Variants in LSS observed in about 807,000 individuals in gnomAD.
The protein encoded by LSS is 2,3-epoxysqualene-lanosterol cyclase.
A neutral mutation model predicts 110.3 loss-of-function variants in LSS; 90 were observed. That is an observed-to-expected ratio of 0.82 (90% CI 0.69 to 0.97). LSS has a LOEUF of 0.97. LSS is among the 50% of genes least tolerant of loss of function. The pLI is 0.00. For synonymous variants in LSS, 433 were observed against 400.0 expected (o/e 1.08, Z -0.98); for missense variants, 927 against 990.0 (o/e 0.94, Z 0.85).
chr21:46,217,154 G>A (rs940449553), intron 6 of LSS, among the ~76,000 whole-genome samples: 2 of 151,144 alleles, frequency 1.3e-5, no homozygotes, highest in African/African-American at 4.9e-5. Context: ...GGCTGAGGCA[G>A]GAGAATCGCT....
In LSS at chr21:46,223,383, C is replaced by G. The variant is rs374760553; in HGVS notation, c.320-645G>C. On this transcript the variant is annotated intron_variant, in intron 3 of 21. Coordinates refer to ENST00000397728, the MANE Select transcript of LSS (RefSeq NM_002340.6). ...GCTTGGTTCCATCAGCCATGTGCCCCCAGAGCCTGGCACGGGACAGGTCTC... is the reference window on the plus strand; with the variant it reads ...GCTTGGTTCCATCAGCCATGTGCCCGCAGAGCCTGGCACGGGACAGGTCTC... 5.9e-5 allele frequency among the ~76,000 whole-genome samples: 9 copies of G among 152,220 alleles called. No individual in the cohort carries two copies. The Middle Eastern group carries it at 0.014, about 230-fold the overall frequency.
chr21:46,206,614 G>T, intron 16 of LSS, 58 bp downstream of exon 16: 1 of 1,441,776 alleles, frequency 6.9e-7, no homozygotes. Flanking sequence ...CCAGGTTTGT[G>T]TACCACAGTG....
At chr21:46,201,095 G>A (rs1403603713) in intron 17 of LSS, among the ~76,000 whole-genome samples, 1 of 143,070 alleles carries the variant, frequency 7.0e-6, no homozygotes, top group African/African-American at 2.8e-5. Flanking sequence ...GACAGGTCAT[G>A]AAGTCCTCAG....
rs893080895 is a variant in LSS, at chr21:46,189,507, G to C, written c.*1597C>G. ...TGCAGGGCTCTGAGCAGGCAGGCGA[G>C]TCCCAAGGAGAGTCAGTGACAGCAC... On this transcript the variant is annotated 3_prime_UTR_variant, in exon 22 of 22. Coordinates refer to ENST00000397728, the MANE Select transcript of LSS (RefSeq NM_002340.6). 8.1e-6 allele frequency: 3 copies of C among 370,630 alleles called. No homozygotes were observed. The highest frequency in any genetic ancestry group is 6.3e-5 in the African/African-American group (3 of 47,466). 23.0% of individuals were successfully genotyped at this position (370,630 alleles called of 1,614,324 possible).
rs537672313 is a variant in LSS, at chr21:46,194,556, A to G, written c.1923T>C (p.Tyr641=). The stretch of plus-strand genomic sequence containing the variant: ...GGATCTGGGACTGGGCACTCTGCAA[A>G]TAACGCCGCTCCTCGCAGGACTCAA... ...EDFESCEERR[Y]LQSAQSQIHN... is the part of the protein sequence containing the mutation. The change falls in exon 20 of 22, where the codon TAT becomes TAC. Residue 641 remains tyrosine, a synonymous_variant. Coordinates refer to ENST00000397728, the MANE Select transcript of LSS (RefSeq NM_002340.6). The G allele has an allele frequency of 1.9e-6, 3 of 1,613,832 alleles. No homozygotes were observed. The highest frequency in any genetic ancestry group is 1.7e-5 in the Admixed American group (1 of 60,018).
chr21:46,219,934 G>A (rs983952902), intron 5 of LSS, among the ~76,000 whole-genome samples: 2 of 152,216 alleles, frequency 1.3e-5, no homozygotes, highest in African/African-American at 4.8e-5. Context: ...ACATGCGCCT[G>A]GAGAAGGCAA....
chr21:46,189,695 G>C lies in LSS; in HGVS notation c.*1409C>G. On this transcript the variant is annotated 3_prime_UTR_variant, in exon 22 of 22. Coordinates refer to ENST00000397728, the MANE Select transcript of LSS (RefSeq NM_002340.6). ...AGATCTCCACTGCCTGAGGGAGAGT[G>C]ATCAGCCAGGGGGAGAGGCCAGGGA... 1 of 456,740 alleles carries C rather than the reference G, an allele frequency of 2.2e-6. No homozygotes were observed. Among genetic ancestry groups the C allele is most frequent in the South Asian group, 1.5e-5 (1 of 64,566 alleles). 28.3% of individuals were successfully genotyped at this position (456,740 alleles called of 1,614,324 possible).
chr21:46,208,716 T>C (rs889370923), intron 13 of LSS, among the ~76,000 whole-genome samples: 2 of 151,890 alleles, frequency 1.3e-5, no homozygotes, highest in African/African-American at 4.8e-5. Flanking sequence ...AGGCCTGGAG[T>C]GCCGTAGGGT....
chr21:46,200,564 G>GAAA (rs977741672), intron 17 of LSS, among the ~76,000 whole-genome samples: 1 of 139,818 alleles, frequency 7.2e-6, no homozygotes, highest in African/African-American at 2.6e-5. Flanking sequence ...CGAGACACCA[G>GAAA]AAAAAAAAAA....
intron 4 of LSS, chr21:46,222,180 TTCC>T (rs2072655064): frequency 3.4e-6 from 2 of 584,108 alleles, no homozygotes; most frequent in Admixed American, 3.0e-5. Flanking sequence ...CCCCCACTCC[TTCC>T]TCACCGTGAC....
At position 46,188,515 on chromosome 21, in the gene LSS, C is replaced by T; in HGVS notation, c.*2589G>A. 1 of 403,648 alleles carries T rather than the reference C, an allele frequency of 2.5e-6. No individual in the cohort carries two copies. Among genetic ancestry groups the T allele is most frequent in the Non-Finnish European group, 5.1e-6 (1 of 195,260 alleles). The allele number at this position is 403,648 out of a possible 1,614,324, so 25.0% of individuals were successfully genotyped here. A position where few individuals can be genotyped will look rare whatever the true frequency, so the allele number is the denominator to read the frequency against. ...TCAGACAGAGGCTGCACCGGTACAG[C>T]TGCCATCTCCTCTTGGTGGTGTCCT... On this transcript the variant is annotated 3_prime_UTR_variant, in exon 22 of 22. Transcript: ENST00000397728.
At chr21:46,194,394 T>C in intron 20 of LSS, 97 bp downstream of exon 20, 1 of 1,438,240 alleles carries the variant, frequency 7.0e-7, no homozygotes, top group Non-Finnish European at 9.4e-7. Flanking sequence ...AGGCCTCCCC[T>C]CCTCTCTACA....
chr21:46,206,709 C>G lies in LSS; in HGVS notation c.1527G>C (p.Gly509=), dbSNP rs1292631697. Residue 509 remains glycine, a synonymous_variant, in exon 16 of 22, where the codon GGG becomes GGC. Coordinates refer to ENST00000397728, the MANE Select transcript of LSS (RefSeq NM_002340.6). ...GFATYETKRG[G]HLLELLNPSE... ...AGGGGTTCAGCAGCTCCAGCAAGTG[C>G]CCCCCACGCTTGGTCTCATAGGTGG... 1 of 1,612,792 alleles carries G rather than the reference C, an allele frequency of 6.2e-7. No individual in the cohort carries two copies. Among genetic ancestry groups the G allele is most frequent in the Non-Finnish European group, 8.5e-7 (1 of 1,179,940 alleles).
chr21:46,196,399 C>G (rs2079910855), intron 17 of LSS, 132 bp from the exon 18 acceptor site: 1 of 729,640 alleles, frequency 1.4e-6, no homozygotes, highest in African/African-American at 1.8e-5. Flanking sequence ...AAACAGTTTA[C>G]ACAGACCGAT....
At chr21:46,228,652 G>T (rs767039741) in intron 1 of LSS, 53 bp from the exon 2 acceptor site, 1 of 1,596,422 alleles carries the variant, frequency 6.3e-7, no homozygotes, top group Non-Finnish European at 8.5e-7. Context: ...GCCGGCCGCC[G>T]GCCCACTGCC....
In LSS at chr21:46,207,525, G is replaced by A. The variant is rs757016829; in HGVS notation, c.1370C>T (p.Thr457Met). ...CAGCACAGCCTTCAAGGCCTCAGCC[G>A]TGCAGTCAGAAACGATCCAGCCGCA... ...LDCGWIVSDC[T>M]AEALKAVLLL... The change falls in exon 15 of 22, where the codon ACG (threonine) becomes ATG (methionine). Residue 457 changes from threonine to methionine, a missense_variant. By Grantham distance (81) the Thr-to-Met change is moderately conservative. Transcript: ENST00000397728. 6.2e-6 allele frequency: 10 copies of A among 1,611,640 alleles called. No individual in the cohort carries two copies. The highest frequency in any genetic ancestry group is 2.7e-5 in the African/African-American group (2 of 74,930).
intron 12 of LSS, among the ~76,000 whole-genome samples, 157 bp downstream of exon 12, chr21:46,210,531 C>T (rs1458319682): frequency 6.6e-6 from 1 of 152,212 alleles, no homozygotes; most frequent in Admixed American, 6.5e-5. Flanking sequence ...GCCCCCTCCA[C>T]AGCACGACCC....
In LSS at chr21:46,209,221, T is replaced by C. The variant is rs555291027; in HGVS notation, c.1266+333A>G. ...ATGGGCAGAAGGTGCTTCAGAGACA[T>C]GGAGGTGCCGTGTAGGCTGTGCAGC... On this transcript the variant is annotated intron_variant, in intron 13 of 21. Transcript: ENST00000397728. This position sits in a 1 kb window ranked among gnomAD's most constrained non-coding sequence, Gnocchi z 4.4. Among the ~76,000 whole-genome samples the C allele has an allele frequency of 6.6e-5, 10 of 152,126 alleles. No homozygotes were observed. Among genetic ancestry groups the C allele is most frequent in the Non-Finnish European group, 1.0e-4 (7 of 68,010 alleles).
chr21:46,210,594 G>C (rs2080116241), intron 12 of LSS, 94 bp downstream of exon 12: 5 of 1,223,890 alleles, frequency 4.1e-6, no homozygotes, highest in Non-Finnish European at 5.9e-6. Flanking sequence ...GGAGTGGCAA[G>C]TGTGTGGCCA....
Sources: gnomAD v4.1 joint callset for allele counts (sites outside exome capture counted in the v4.1 genomes callset) on GRCh38, gnomAD v4.1.1 for gene constraint, Gnocchi (gnomAD v3.1) non-coding constraint, MANE v1.5 for transcripts, NCBI Gene and HGNC (gene_info 2026-07-23, HGNC 2026-07-21) for gene names.